Variants in S100A5 observed in about 807,000 individuals in gnomAD.
The protein encoded by S100A5 is protein S100-A5.
A neutral mutation model predicts 6.7 loss-of-function variants in S100A5; 5 were observed. The observed-to-expected ratio is 0.75, with a 90% CI of 0.39 to 1.57. The LOEUF is 1.57. Ranked by LOEUF, S100A5 falls within the 40% of genes most tolerant of loss-of-function variation. S100A5 has a pLI of 0.03. For synonymous variants in S100A5, 49 were observed against 44.9 expected (o/e 1.09, Z -0.37); for missense variants, 129 against 110.8 (o/e 1.16, Z -0.74).
chr1:153,541,967 G>C (rs576447558), upstream of S100A5: 3 of 881,498 alleles, frequency 3.4e-6, no homozygotes, highest in Non-Finnish European at 4.1e-6. Context: ...TTAAATGAAC[G>C]ATTTCTTCTA....
In S100A5 at chr1:153,537,374, G is replaced by A. The variant is rs1338630253; in HGVS notation, c.201C>T (p.Ile67=). The A allele has an allele frequency of 7.4e-6, 12 of 1,614,022 alleles. No individual in the cohort carries two copies. The highest frequency in any genetic ancestry group is 1.3e-5 in the African/African-American group (1 of 74,886). ...KSLDKNSDQE[I]DFKEYSVFLT... is the part of the protein sequence containing the mutation. ...GGAACACCGAGTACTCCTTGAAGTC[G>A]ATCTCCTGGTCGCTGTTCTTGTCCA... Residue 67 remains isoleucine, a synonymous_variant, in exon 3 of 3, where the codon ATC becomes ATT. Transcript: ENST00000368717.
chr1:153,537,833 A>G (rs1157272593), intron 2 of S100A5, among the ~76,000 whole-genome samples: 1 of 152,152 alleles, frequency 6.6e-6, no homozygotes, highest in African/African-American at 2.4e-5. Flanking sequence ...GGATCACCTG[A>G]CATCAGGAGT....
upstream of S100A5, among the ~76,000 whole-genome samples, chr1:153,542,812 A>C (rs1665433900): frequency 1.3e-5 from 2 of 152,062 alleles, no homozygotes; most frequent in Non-Finnish European, 2.9e-5. Context: ...TTGTCAGATC[A>C]TATATGTGGA....
At chr1:153,539,625 T>C (rs190410603) in intron 2 of S100A5, among the ~76,000 whole-genome samples, 1 of 151,706 alleles carries the variant, frequency 6.6e-6, no homozygotes, top group East Asian at 1.9e-4. Context: ...ACCTTTCAGT[T>C]TGAGTGCCAG....
chr1:153,542,815 T>C (rs757846497), upstream of S100A5, among the ~76,000 whole-genome samples: 6 of 152,136 alleles, frequency 3.9e-5, no homozygotes, highest in Non-Finnish European at 8.8e-5. Context: ...TCAGATCATA[T>C]ATGTGGAATT....
chr1:153,543,123 C>A (rs778977547), upstream of S100A5: 39 of 623,404 alleles, frequency 6.3e-5, no homozygotes, highest in Non-Finnish European at 6.6e-5. Flanking sequence ...AAGTGGGTGG[C>A]AGGACAGGGC....
upstream of S100A5, among the ~76,000 whole-genome samples, chr1:153,542,975 G>T (rs1665437766): frequency 6.6e-6 from 1 of 152,040 alleles, no homozygotes; most frequent in African/African-American, 2.4e-5. Flanking sequence ...GACCTTTATG[G>T]CAGAGACGGT....
intron 2 of S100A5, among the ~76,000 whole-genome samples, chr1:153,539,497 G>A (rs1333334849): frequency 2.3e-5 from 3 of 129,760 alleles, no homozygotes; most frequent in East Asian, 2.2e-4. Flanking sequence ...ATTTATCCTC[G>A]GGGATATTGT....
upstream of S100A5, among the ~76,000 whole-genome samples, chr1:153,543,026 C>T (rs554491763): frequency 1.2e-3 from 178 of 152,164 alleles, no homozygotes; most frequent in African/African-American, 4.0e-3. Context: ...CTGCAAACAG[C>T]GGGTCTCCCT....
upstream of S100A5, among the ~76,000 whole-genome samples, chr1:153,543,455 T>C (rs991479252): frequency 5.9e-5 from 9 of 152,070 alleles, no homozygotes; most frequent in African/African-American, 2.2e-4. Flanking sequence ...GTGAACTCTA[T>C]TGCCTGTGCA....
chr1:153,537,609 G>A (rs932760902), intron 2 of S100A5, among the ~76,000 whole-genome samples, 173 bp from the exon 3 acceptor site: 1 of 152,164 alleles, frequency 6.6e-6, no homozygotes, highest in Non-Finnish European at 1.5e-5. Context: ...CTAGGGAAGG[G>A]CCTGGCATGA....
chr1:153,542,288 T>A (rs73026330), upstream of S100A5, among the ~76,000 whole-genome samples: 2,832 of 152,208 alleles, frequency 0.019, 99 homozygotes, highest in African/African-American at 0.064. Context: ...CACCCCAGCC[T>A]GGGGGGCCTC....
Position 153,539,452 on chromosome 1 carries a change from T to A in S100A5, c.138+602A>T, listed in dbSNP as rs28560200. ...AAAAAAAAAAAAAAAAAAAAAAAAA[T>A]ATATATATATATATATATATATATT... On this transcript the variant is annotated intron_variant, in intron 2 of 2. Transcript: ENST00000368717. Among the ~76,000 whole-genome samples, 558 of 83,018 alleles carry A rather than the reference T, an allele frequency of 6.7e-3. 8 individuals are homozygous for A. The highest frequency in any genetic ancestry group is 0.022 in the African/African-American group (303 of 13,964). 54.5% of individuals were successfully genotyped at this position (83,018 alleles called of 152,430 possible).
chr1:153,537,969 C>A (rs1264909047), intron 2 of S100A5, among the ~76,000 whole-genome samples: 1 of 151,990 alleles, frequency 6.6e-6, no homozygotes, highest in Non-Finnish European at 1.5e-5. Flanking sequence ...ATCGCTTGAA[C>A]TTGAGAAGCG....
chr1:153,543,121 G>T, upstream of S100A5: 1 of 584,660 alleles, frequency 1.7e-6, no homozygotes, highest in Non-Finnish European at 2.2e-6. Context: ...GGAAGTGGGT[G>T]GCAGGACAGG....
In S100A5 at chr1:153,537,179, C is replaced by A; in HGVS notation, c.*117G>T. On this transcript the variant is annotated 3_prime_UTR_variant, in exon 3 of 3. Coordinates refer to ENST00000368717, the MANE Select transcript of S100A5 (RefSeq NM_001394232.1). ...ACCTGCGATGGAAACTTTATTTCCT[C>A]CCATGGAAGGGTCCATCTGGGAGGG... The A allele has an allele frequency of 8.4e-7, 1 of 1,196,060 alleles. No individual in the cohort carries two copies. Among genetic ancestry groups the A allele is most frequent in the East Asian group, 2.4e-5 (1 of 41,928 alleles). The allele number at this position is 1,196,060 out of a possible 1,614,324, so 74.1% of individuals were successfully genotyped here. A position where few individuals can be genotyped will look rare whatever the true frequency, so the allele number is the denominator to read the frequency against.
chr1:153,537,827 C>T (rs922631219), intron 2 of S100A5, among the ~76,000 whole-genome samples: 1 of 152,140 alleles, frequency 6.6e-6, no homozygotes, highest in South Asian at 2.1e-4. Context: ...GCGGGTGGAT[C>T]ACCTGACATC....
At chr1:153,539,450 A>AAAAAAATATAT (rs1553214691) in intron 2 of S100A5, among the ~76,000 whole-genome samples, 2 of 31,196 alleles carry the variant, frequency 6.4e-5, no homozygotes, top group African/African-American at 2.2e-4. Context: ...AAAAAAAAAA[A>AAAAAAATATAT]ATATATATAT....
At chr1:153,540,488 C>T (rs1401667675) in intron 1 of S100A5, 133 bp downstream of exon 1, 12 of 276,440 alleles carry the variant, frequency 4.3e-5, no homozygotes, top group Admixed American at 1.4e-4. Context: ...GATGAGAAGA[C>T]GACCTCCTCA....
Sources: allele counts gnomAD v4.1 joint callset (sites outside exome capture counted in the v4.1 genomes callset), GRCh38; gene constraint gnomAD v4.1.1; transcripts MANE v1.5; gene names NCBI Gene and HGNC (gene_info 2026-07-23, HGNC 2026-07-21).